GRIA4: variants seen among roughly 807,000 people sequenced by gnomAD.
GRIA4 encodes glutamate receptor 4.
Under a neutral mutation model 104.0 loss-of-function variants are expected in GRIA4, and 34 were observed. That is an observed-to-expected ratio of 0.33 (90% confidence interval 0.25 to 0.44). The LOEUF (loss-of-function observed/expected upper bound fraction) is 0.44, where lower values mean the gene tolerates loss of function less well. Ranked by LOEUF, GRIA4 falls within the 20% of genes least tolerant of loss-of-function variation. GRIA4 has a pLI of 1.00. For synonymous variants in GRIA4, 386 were observed against 381.9 expected (o/e 1.01, Z -0.13); for missense variants, 750 against 1,096.5 (o/e 0.68, Z 4.46).
intron 4 of GRIA4, among the ~76,000 whole-genome samples, chr11:105,788,637 T>C (rs1942079639): frequency 6.6e-6 from 1 of 152,162 alleles, no homozygotes; most frequent in South Asian, 2.1e-4. Flanking sequence ...TAAAATAATT[T>C]AGAAACAGGA....
intron 3 of GRIA4, among the ~76,000 whole-genome samples, chr11:105,634,468 G>GGAAAGACAGAAA (rs1951135238): frequency 1.1e-5 from 1 of 94,298 alleles, no homozygotes; most frequent in African/African-American, 4.1e-5. Context: ...AGAAAGAAAG[G>GGAAAGACAGAAA]GAAAGAAAGA....
intron 3 of GRIA4, among the ~76,000 whole-genome samples, chr11:105,668,018 C>T (rs965351562): frequency 6.6e-6 from 1 of 151,524 alleles, no homozygotes; most frequent in African/African-American, 2.4e-5. Context: ...TCCCCTAGCC[C>T]ATGGCAACCA....
At chr11:105,923,151 C>G (rs1408790124) in intron 11 of GRIA4, among the ~76,000 whole-genome samples, 1 of 152,110 alleles carries the variant, frequency 6.6e-6, no homozygotes, top group African/African-American at 2.4e-5. Context: ...AGAGTGGCAG[C>G]CTCTATGTAA....
intron 4 of GRIA4, chr11:105,797,898 C>T: frequency 2.4e-6 from 1 of 424,344 alleles, no homozygotes; most frequent in Non-Finnish European, 4.7e-6. Flanking sequence ...CAAATTTAAA[C>T]AATGGAAATT....
At chr11:105,948,601 T>TG (rs1948384527) in intron 14 of GRIA4, among the ~76,000 whole-genome samples, 3 of 140,148 alleles carry the variant, frequency 2.1e-5, no homozygotes, top group African/African-American at 7.9e-5. Flanking sequence ...TTTTGTTTTT[T>TG]TTTTTTTTTT....
chr11:105,661,363 C>A (rs1256701255), intron 3 of GRIA4, among the ~76,000 whole-genome samples: 2 of 151,342 alleles, frequency 1.3e-5, no homozygotes, highest in African/African-American at 4.8e-5. Flanking sequence ...ACAGTCACTA[C>A]CCCCTAGAAA....
chr11:105,714,668 A>T (rs1267461462), intron 3 of GRIA4, among the ~76,000 whole-genome samples: 1 of 152,182 alleles, frequency 6.6e-6, no homozygotes, highest in Non-Finnish European at 1.5e-5. Flanking sequence ...TATATTGCTG[A>T]AACGAGACAG....
intron 3 of GRIA4, among the ~76,000 whole-genome samples, chr11:105,746,256 C>A (rs990745979): frequency 6.6e-6 from 1 of 151,878 alleles, no homozygotes; most frequent in African/African-American, 2.4e-5. Context: ...ATGATACTAT[C>A]CCTAAAAATA....
chr11:105,772,830 T>A (rs947328849), intron 4 of GRIA4, among the ~76,000 whole-genome samples: 3 of 152,106 alleles, frequency 2.0e-5, no homozygotes, highest in African/African-American at 7.2e-5. Flanking sequence ...TAAAAAATTA[T>A]GAAAATGTGT....
chr11:105,882,114 G>A (rs2136083166), intron 5 of GRIA4, among the ~76,000 whole-genome samples: 1 of 152,266 alleles, frequency 6.6e-6, no homozygotes, highest in East Asian at 1.9e-4. Context: ...TATAGAAAAA[G>A]AAGACTAGTG....
intron 3 of GRIA4, among the ~76,000 whole-genome samples, chr11:105,653,186 C>T (rs1317394152): frequency 6.6e-6 from 1 of 152,258 alleles, no homozygotes; most frequent in Non-Finnish European, 1.5e-5. Context: ...CCTGGGATTA[C>T]AGGCGTCAGC....
chr11:105,971,491 T>TAAGCATA (rs1858689159), intron 14 of GRIA4, among the ~76,000 whole-genome samples: 2 of 152,156 alleles, frequency 1.3e-5, no homozygotes, highest in Admixed American at 1.3e-4. Context: ...AGCTGAATCA[T>TAAGCATA]AATGCATGCA....
intron 3 of GRIA4, among the ~76,000 whole-genome samples, chr11:105,644,267 C>T (rs1951457505): frequency 6.6e-6 from 1 of 152,044 alleles, no homozygotes; most frequent in Non-Finnish European, 1.5e-5. Flanking sequence ...CCACATCAAG[C>T]TCAGTGGTCT....
At chr11:105,953,644 CACAT>C (rs1041375258) in intron 14 of GRIA4, among the ~76,000 whole-genome samples, 43 of 122,856 alleles carry the variant, frequency 3.5e-4, no homozygotes, top group Non-Finnish European at 5.6e-4. Flanking sequence ...CACACACACA[CACAT>C]ATATATACAT....
intron 5 of GRIA4, among the ~76,000 whole-genome samples, chr11:105,875,535 G>T (rs780084154): frequency 6.6e-6 from 1 of 152,060 alleles, no homozygotes; most frequent in Non-Finnish European, 1.5e-5. Context: ...CTGTGAATCT[G>T]TCTGGTCCTG....
intron 4 of GRIA4, among the ~76,000 whole-genome samples, chr11:105,779,233 C>A (rs568383463): frequency 1.3e-5 from 2 of 151,710 alleles, no homozygotes; most frequent in East Asian, 1.9e-4. Context: ...GTGAATAGTG[C>A]GACATGAAGG....
chr11:105,794,435 G>A (rs1942361268), intron 4 of GRIA4, among the ~76,000 whole-genome samples: 2 of 13,920 alleles, frequency 1.4e-4, no homozygotes, highest in Non-Finnish European at 2.6e-4. Context: ...GTGCCGGGGT[G>A]TGTGTGTGTG....
intron 5 of GRIA4, among the ~76,000 whole-genome samples, chr11:105,868,948 A>G (rs1945522740): frequency 6.6e-6 from 1 of 152,170 alleles, no homozygotes; most frequent in South Asian, 2.1e-4. Context: ...ATTACTATTT[A>G]GCAGAACTGA....
intron 14 of GRIA4, among the ~76,000 whole-genome samples, chr11:105,948,271 A>G (rs2136235843): frequency 6.6e-6 from 1 of 152,360 alleles, no homozygotes; most frequent in African/African-American, 2.4e-5. Context: ...CAACATCCAA[A>G]TACTGACCTC....
Sources: gnomAD v4.1 joint callset for allele counts (sites outside exome capture counted in the v4.1 genomes callset) on GRCh38, gnomAD v4.1.1 for gene constraint, MANE v1.5 for transcripts, NCBI Gene and HGNC (gene_info 2026-07-23, HGNC 2026-07-21) for gene names.